Variants in NFIL3 observed in about 807,000 individuals in gnomAD.
NFIL3 encodes nuclear factor interleukin-3-regulated protein.
NFIL3 carries 5 observed loss-of-function variants against 10.0 expected under a neutral mutation model. That is an observed-to-expected ratio of 0.50 (90% CI 0.26 to 1.06). The LOEUF is 1.06. Among genes scored for constraint, NFIL3 ranks in the 50% least tolerant of loss-of-function variants. The pLI, the probability that NFIL3 is intolerant of heterozygous loss-of-function variation, is 0.13. For missense variants in NFIL3, 436 were observed against 547.6 expected (o/e 0.80, Z 2.03); for synonymous variants, 202 against 206.5 (o/e 0.98, Z 0.19).
upstream of NFIL3, among the ~76,000 whole-genome samples, chr9:91,425,979 G>T (rs1833869226): frequency 1.3e-5 from 2 of 152,102 alleles, no homozygotes; most frequent in Admixed American, 6.5e-5. Flanking sequence ...ACCTTGTTCT[G>T]CATTTTGAAT....
At chr9:91,459,812 C>G in the NFIL3 span, among the ~76,000 whole-genome samples, 1 of 152,118 alleles carries the variant, frequency 6.6e-6, no homozygotes, top group Non-Finnish European at 1.5e-5. Flanking sequence ...AATGCTATAG[C>G]TCGAATACAG....
Position 91,410,743 on chromosome 9 carries a change from A to T in NFIL3, c.-9T>A, listed in dbSNP as rs369157668. The T allele has an allele frequency of 8.3e-6, 13 of 1,573,226 alleles. No individual in the cohort carries two copies. Among genetic ancestry groups the T allele is most frequent in the African/African-American group, 1.4e-5 (1 of 72,940 alleles). On this transcript the variant is annotated 5_prime_UTR_variant, in exon 2 of 2. In the 5' UTR this introduces an upstream ATG that the reference lacks. Coordinates refer to ENST00000297689, the MANE Select transcript of NFIL3 (RefSeq NM_005384.3). The surrounding 1 kb of genome is among the most constrained non-coding windows in gnomAD (Gnocchi z 5.7). ...ATTTTTCTCAGCTGCATCAGAAACA[A>T]CCTTACCCTATCTATGTGTGTAGGA...
At chr9:91,456,519 T>A in the NFIL3 span, among the ~76,000 whole-genome samples, 1 of 152,162 alleles carries the variant, frequency 6.6e-6, no homozygotes, top group African/African-American at 2.4e-5. Context: ...TATCTCATCT[T>A]TCCTGAAGTG....
intron 1 of NFIL3, among the ~76,000 whole-genome samples, chr9:91,422,890 A>C (rs1587969049): frequency 6.6e-6 from 1 of 152,204 alleles, no homozygotes; most frequent in Non-Finnish European, 1.5e-5. Context: ...GACGTAAATA[A>C]CGATCTAATA....
intron 1 of NFIL3, among the ~76,000 whole-genome samples, chr9:91,413,441 G>A (rs1833593968): frequency 6.6e-6 from 1 of 151,874 alleles, no homozygotes; most frequent in Non-Finnish European, 1.5e-5. Flanking sequence ...AGTAGAGACG[G>A]GATTTTACCA....
the NFIL3 span, among the ~76,000 whole-genome samples, chr9:91,439,467 T>C: frequency 2.9e-4 from 43 of 149,986 alleles, no homozygotes; most frequent in Non-Finnish European, 1.2e-4. Flanking sequence ...AAAATAGAGA[T>C]ACTTTTTCTT....
At chr9:91,447,458 C>T in the NFIL3 span, among the ~76,000 whole-genome samples, 1 of 152,294 alleles carries the variant, frequency 6.6e-6, no homozygotes, top group East Asian at 1.9e-4. Context: ...CAATGACACA[C>T]AAGAGTTCCA....
the NFIL3 span, among the ~76,000 whole-genome samples, chr9:91,436,730 T>C: frequency 6.9e-4 from 105 of 152,230 alleles, no homozygotes; most frequent in African/African-American, 2.5e-3. Flanking sequence ...TAATAGAAGA[T>C]CTTCAACTTC....
At chr9:91,439,543 AC>A in the NFIL3 span, among the ~76,000 whole-genome samples, 1 of 152,228 alleles carries the variant, frequency 6.6e-6, no homozygotes, top group Admixed American at 6.5e-5. Context: ...AACTTCCAGT[AC>A]TATGCTGACT....
the NFIL3 span, among the ~76,000 whole-genome samples, chr9:91,432,096 C>T: frequency 1.3e-5 from 2 of 152,310 alleles, no homozygotes; most frequent in East Asian, 1.9e-4. Flanking sequence ...GGGCCAGGAA[C>T]CTGTCTTTCC....
intron 1 of NFIL3, among the ~76,000 whole-genome samples, chr9:91,421,950 C>T (rs1407458691): frequency 6.6e-6 from 1 of 152,178 alleles, no homozygotes; most frequent in Non-Finnish European, 1.5e-5. Flanking sequence ...ATTCACACAT[C>T]TTCACATAAG....
intron 1 of NFIL3, among the ~76,000 whole-genome samples, chr9:91,418,049 T>C (rs1475608451): frequency 1.3e-5 from 2 of 152,178 alleles, no homozygotes; most frequent in East Asian, 1.9e-4. Context: ...AATTGAAATA[T>C]GAAATAGTAT....
chr9:91,475,361 A>G, the NFIL3 span, among the ~76,000 whole-genome samples: 1 of 152,248 alleles, frequency 6.6e-6, no homozygotes, highest in Admixed American at 6.5e-5. Flanking sequence ...AGATGTAAAC[A>G]TAAATATATA....
At chr9:91,451,149 T>C in the NFIL3 span, among the ~76,000 whole-genome samples, 2 of 152,320 alleles carry the variant, frequency 1.3e-5, no homozygotes, top group East Asian at 3.9e-4. Flanking sequence ...CCACTCTTCC[T>C]TCTTACTCCT....
upstream of NFIL3, among the ~76,000 whole-genome samples, chr9:91,427,944 C>T (rs1199128281): frequency 6.6e-6 from 1 of 152,076 alleles, no homozygotes; most frequent in Non-Finnish European, 1.5e-5. Flanking sequence ...CAGCACCAGA[C>T]CTGTTTTGTT....
At position 91,410,216 on chromosome 9, in the gene NFIL3, A is replaced by G. The variant is rs763712232; in HGVS notation, c.519T>C (p.Ser173=). The change falls in exon 2 of 2, where the codon AGT becomes AGC. Residue 173 remains serine (S), a synonymous_variant. Coordinates refer to ENST00000297689, the MANE Select transcript of NFIL3 (RefSeq NM_005384.3). The surrounding 1 kb of genome is among the most constrained non-coding windows in gnomAD (Gnocchi z 5.7). ...AGTGTTTAATGACAGAAATACAACT[A>G]CTTGACACCATCGAGGGTTCGTGCT... The part of the protein sequence containing the change: ...VDEHEPSMVS[S]SCISVIKHSP... The G allele has an allele frequency of 1.9e-6, 3 of 1,613,980 alleles. No homozygotes were observed. The highest frequency in any genetic ancestry group is 2.5e-6 in the Non-Finnish European group (3 of 1,180,004).
rs1309158371 is a variant in NFIL3 at position 91,410,150 on chromosome 9, T to C, written c.585A>G (p.Ser195=). 1 of 1,614,194 alleles carries C rather than the reference T, an allele frequency of 6.2e-7. No individual in the cohort carries two copies. Residue 195 remains serine (S), a synonymous_variant, in exon 2 of 2, where the codon TCA becomes TCG. Coordinates refer to ENST00000297689, the MANE Select transcript of NFIL3 (RefSeq NM_005384.3). The surrounding 1 kb of genome is among the most constrained non-coding windows in gnomAD (Gnocchi z 5.7). ...SSLSDVSEVS[S]VEHTQESSVQ... Reference sequence around the variant, plus strand: ...CAGAGCTCTCCTGCGTGTGTTCTACTGAGGACACTTCTGAAACATCGGACA... The same window carrying C: ...CAGAGCTCTCCTGCGTGTGTTCTACCGAGGACACTTCTGAAACATCGGACA...
At chr9:91,460,425 C>T in the NFIL3 span, among the ~76,000 whole-genome samples, 2 of 151,690 alleles carry the variant, frequency 1.3e-5, no homozygotes, top group Non-Finnish European at 2.9e-5. Context: ...TAGGTGTGCA[C>T]CATCATGCCT....
the NFIL3 span, among the ~76,000 whole-genome samples, chr9:91,455,994 T>C: frequency 6.6e-6 from 1 of 152,196 alleles, no homozygotes; most frequent in Non-Finnish European, 1.5e-5. Context: ...TCATTGGAGA[T>C]TAATTCACAC....
Sources: allele counts gnomAD v4.1 joint callset (sites outside exome capture counted in the v4.1 genomes callset), GRCh38; gene constraint gnomAD v4.1.1; non-coding constraint Gnocchi (gnomAD v3.1); transcripts MANE v1.5; gene names NCBI Gene and HGNC (gene_info 2026-07-23, HGNC 2026-07-21).